Variants in RBFOX3 observed in about 807,000 individuals in gnomAD.
The protein encoded by RBFOX3 is RNA binding fox-1 homolog 3, also known as RNA binding protein fox-1 homolog 3.
RBFOX3 carries 17 observed loss-of-function variants against 48.7 expected under a neutral mutation model. The ratio of observed to expected loss-of-function variants is 0.35; its 90% confidence interval spans 0.24 to 0.52. The LOEUF is 0.52. Among genes scored for constraint, RBFOX3 ranks in the 20% least tolerant of loss-of-function variants. The pLI, the probability that RBFOX3 is intolerant of heterozygous loss-of-function variation, is 0.94. For missense variants in RBFOX3, 382 were observed against 497.5 expected, an observed-to-expected ratio of 0.77 and a Z score of 2.21; for synonymous variants, 212 against 209.5, an observed-to-expected ratio of 1.01 and a Z score of -0.10.
At chr17:79,468,567 G>C (rs2076614214) in intron 2 of RBFOX3, among the ~76,000 whole-genome samples, 2 of 151,794 alleles carry the variant, frequency 1.3e-5, no homozygotes, top group Admixed American at 6.6e-5. Flanking sequence ...CAGACAGACA[G>C]GAGGATGGAT....
chr17:79,321,257 G>A, intron 2 of RBFOX3, among the ~76,000 whole-genome samples: 1 of 152,198 alleles, frequency 6.6e-6, no homozygotes, highest in East Asian at 1.9e-4. Context: ...TGATGCTGGG[G>A]TCTCTACCTC....
chr17:79,636,536 G>A, the RBFOX3 span, among the ~76,000 whole-genome samples: 4 of 152,050 alleles, frequency 2.6e-5, no homozygotes, highest in Admixed American at 2.6e-4. Context: ...AAGTAAAAGT[G>A]TTTACTTTTA....
chr17:79,166,101 G>T (rs1005315280), intron 4 of RBFOX3, among the ~76,000 whole-genome samples: 3 of 152,216 alleles, frequency 2.0e-5, no homozygotes. Flanking sequence ...TTGGAACTAG[G>T]TACAACAGAG....
intron 4 of RBFOX3, among the ~76,000 whole-genome samples, chr17:79,169,208 G>T (rs981931883): frequency 6.6e-6 from 1 of 152,218 alleles, no homozygotes. Context: ...CATGCAGGGG[G>T]GTGCCCACCT....
Position 79,361,577 on chromosome 17 carries a change from CT to C in RBFOX3, c.-174-53754del, listed in dbSNP as rs2086363851. Among the ~76,000 whole-genome samples the C allele has an allele frequency of 6.6e-6, 1 of 152,222 alleles. No homozygotes were observed. The highest frequency in any genetic ancestry group is 1.5e-5 in the Non-Finnish European group (1 of 68,038). On this transcript the variant is annotated intron_variant, in intron 2 of 14. Coordinates refer to ENST00000693108, the MANE Select transcript of RBFOX3 (RefSeq NM_001350451.2). This position sits in a 1 kb window ranked among gnomAD's most constrained non-coding sequence, Gnocchi z 4.5. ...AGCTGATCAGCAGCTCTGCCAGGCACTGTCCAGGGCTTCCCTAAGGGACATG... is the reference window on the plus strand; with the variant it reads ...AGCTGATCAGCAGCTCTGCCAGGCACGTCCAGGGCTTCCCTAAGGGACATG...
At chr17:79,357,580 G>A (rs551916662) in intron 2 of RBFOX3, among the ~76,000 whole-genome samples, 2 of 152,216 alleles carry the variant, frequency 1.3e-5, no homozygotes, top group East Asian at 3.9e-4. Context: ...GCAGTGAGCC[G>A]AGATTGCACC....
intron 3 of RBFOX3, among the ~76,000 whole-genome samples, chr17:79,289,640 T>G (rs2072823404): frequency 6.6e-6 from 1 of 152,364 alleles, no homozygotes; most frequent in South Asian, 2.1e-4. Context: ...GGACAGCCCT[T>G]TGGGGCTTTC....
chr17:79,608,294 GGAGCATTTGCCGCAAAGGCCCA>G (rs2093882912), intron 1 of RBFOX3, among the ~76,000 whole-genome samples: 1 of 152,210 alleles, frequency 6.6e-6, no homozygotes, highest in Non-Finnish European at 1.5e-5. Context: ...CACTGGGTGC[GGAGCATTTGCCGCAAAGGCCCA>G]TCCGAGTAAG....
At chr17:79,560,540 C>A (rs1438217488) in intron 1 of RBFOX3, among the ~76,000 whole-genome samples, 4 of 152,306 alleles carry the variant, frequency 2.6e-5, no homozygotes, top group African/African-American at 9.6e-5. Flanking sequence ...AGCTACTGCC[C>A]ACCCGACCAT....
the RBFOX3 span, among the ~76,000 whole-genome samples, chr17:79,647,240 T>C: frequency 1.3e-5 from 2 of 152,024 alleles, no homozygotes; most frequent in Non-Finnish European, 2.9e-5. Flanking sequence ...ACTCCACCGG[T>C]GTCGCCTGCA....
chr17:79,332,931 T>C (rs111211073), intron 2 of RBFOX3, among the ~76,000 whole-genome samples: 1 of 7,450 alleles, frequency 1.3e-4, no homozygotes, highest in Non-Finnish European at 2.2e-4. Context: ...GAAAGACAGA[T>C]AGACAGACAC....
At chr17:79,388,681 T>C (rs1382565704) in intron 2 of RBFOX3, among the ~76,000 whole-genome samples, 5 of 152,160 alleles carry the variant, frequency 3.3e-5, no homozygotes, top group African/African-American at 1.2e-4. Context: ...CCACGGAGGA[T>C]GTCCACGTCC....
chr17:79,297,488 C>A (rs2074588604), intron 3 of RBFOX3, among the ~76,000 whole-genome samples: 1 of 152,228 alleles, frequency 6.6e-6, no homozygotes, highest in Admixed American at 6.5e-5. Context: ...CCACTGAGAC[C>A]CCTTCCAATC....
chr17:79,261,978 T>C (rs1239865412), intron 3 of RBFOX3, among the ~76,000 whole-genome samples: 1 of 152,234 alleles, frequency 6.6e-6, no homozygotes, highest in African/African-American at 2.4e-5. Flanking sequence ...TGCAGATTGC[T>C]GGGCATCGGG....
intron 1 of RBFOX3, among the ~76,000 whole-genome samples, chr17:79,607,702 T>C (rs2093865794): frequency 6.6e-6 from 1 of 152,104 alleles, no homozygotes; most frequent in South Asian, 2.1e-4. Context: ...CACACATCGG[T>C]ATGAAGGCGC....
rs567934699 is a variant in RBFOX3 at position 79,376,542 on chromosome 17, T to C, written c.-174-68718A>G. ...TCAGCTGAATTCTTTTTCAAAATAT[T>C]GTAAGAGAAGTCATATTCCACCGTG... On this transcript the variant is annotated intron_variant, in intron 2 of 14. Transcript: ENST00000693108. 8.0e-4 allele frequency among the ~76,000 whole-genome samples: 122 copies of C among 152,266 alleles called. 1 individual carries two copies. The highest frequency in any genetic ancestry group is 6.8e-3 in the Middle Eastern group (2 of 294).
At chr17:79,497,587 C>T (rs2081738429) in intron 1 of RBFOX3, among the ~76,000 whole-genome samples, 1 of 152,220 alleles carries the variant, frequency 6.6e-6, no homozygotes, top group Non-Finnish European at 1.5e-5. Flanking sequence ...GCTCTTTCCT[C>T]ATCAGTTCTC....
At chr17:79,239,726 G>A (rs777540582) in intron 3 of RBFOX3, among the ~76,000 whole-genome samples, 1 of 152,264 alleles carries the variant, frequency 6.6e-6, no homozygotes, top group African/African-American at 2.4e-5. Flanking sequence ...AGAGGTCCTG[G>A]TGTCCCCAGA....
chr17:79,318,426 C>A lies in RBFOX3; in HGVS notation c.-174-10602G>T, dbSNP rs557695856. ...CACTTTATCTTCATAGCCACCACCC[C>A]TTACACCATATGGCTCCCCCTCTCA... On this transcript the variant is annotated intron_variant, in intron 2 of 14. Coordinates refer to ENST00000693108, the MANE Select transcript of RBFOX3 (RefSeq NM_001350451.2). Among the ~76,000 whole-genome samples the A allele has an allele frequency of 3.3e-5, 5 of 152,294 alleles. No homozygotes were observed. In the South Asian group the frequency reaches 1.0e-3, roughly 32 times the overall value.
Sources: gnomAD v4.1 joint callset for allele counts (sites outside exome capture counted in the v4.1 genomes callset) on GRCh38, gnomAD v4.1.1 for gene constraint, Gnocchi (gnomAD v3.1) non-coding constraint, MANE v1.5 for transcripts, NCBI Gene and HGNC (gene_info 2026-07-23, HGNC 2026-07-21) for gene names.